Variants in R3HDM2 observed in about 807,000 individuals in gnomAD.
R3HDM2 encodes R3H domain containing 2.
R3HDM2 carries 38 observed loss-of-function variants against 124.5 expected under a neutral mutation model. That is an observed-to-expected ratio of 0.31 (90% CI 0.24 to 0.40). R3HDM2 has a LOEUF of 0.40. Ranked by LOEUF, R3HDM2 falls within the 10% of genes least tolerant of loss-of-function variation. The pLI is 1.00. For synonymous variants in R3HDM2, 391 were observed against 448.0 expected, an observed-to-expected ratio of 0.87 and a Z score of 1.61; for missense variants, 869 against 1,236.9, an observed-to-expected ratio of 0.70 and a Z score of 4.46.
At chr12:57,324,577 C>A (rs1056480741) in intron 2 of R3HDM2, among the ~76,000 whole-genome samples, 6 of 152,186 alleles carry the variant, frequency 3.9e-5, no homozygotes, top group African/African-American at 1.4e-4. Context: ...CTGTAATAAT[C>A]ATTAGTCCTC....
intron 2 of R3HDM2, among the ~76,000 whole-genome samples, chr12:57,348,027 G>A (rs988225800): frequency 6.6e-6 from 1 of 152,128 alleles, no homozygotes; most frequent in African/African-American, 2.4e-5. Flanking sequence ...TTCATCCTAA[G>A]GAAGAAAAAT....
At chr12:57,321,096 T>C (rs952390004) in intron 2 of R3HDM2, among the ~76,000 whole-genome samples, 1 of 152,200 alleles carries the variant, frequency 6.6e-6, no homozygotes, top group Non-Finnish European at 1.5e-5. Flanking sequence ...GACTGAACTA[T>C]AGGCTGAGCA....
At chr12:57,391,333 G>C (rs887251701) in intron 2 of R3HDM2, among the ~76,000 whole-genome samples, 7 of 152,014 alleles carry the variant, frequency 4.6e-5, no homozygotes, top group Non-Finnish European at 1.0e-4. Context: ...CAGGGGTTGG[G>C]GTAAGCCAAT....
At chr12:57,411,631 A>G (rs1431412397) in intron 1 of R3HDM2, among the ~76,000 whole-genome samples, 1 of 152,232 alleles carries the variant, frequency 6.6e-6, no homozygotes, top group African/African-American at 2.4e-5. Flanking sequence ...TTTCATGTAG[A>G]GTCCCAGAGC....
chr12:57,396,613 C>T (rs2067544483), intron 1 of R3HDM2, among the ~76,000 whole-genome samples: 1 of 151,762 alleles, frequency 6.6e-6, no homozygotes, highest in Non-Finnish European at 1.5e-5. Context: ...CCCGTCTCTA[C>T]TGAAAAAACA....
chr12:57,266,858 G>C (rs764666815), intron 18 of R3HDM2, 27 bp from the exon 19 acceptor site: 3 of 1,489,734 alleles, frequency 2.0e-6, no homozygotes, highest in Non-Finnish European at 1.9e-6. Context: ...GAGAGGAGTG[G>C]TGAAGCAGTA....
At chr12:57,379,027 C>T (rs549802130) in intron 2 of R3HDM2, among the ~76,000 whole-genome samples, 14 of 151,894 alleles carry the variant, frequency 9.2e-5, no homozygotes, top group Non-Finnish European at 1.8e-4. Flanking sequence ...TCATAGAAGA[C>T]GGAAAGTAGA....
At chr12:57,266,592 T>C (rs1301760410) in intron 19 of R3HDM2, 139 bp downstream of exon 19, 1 of 678,150 alleles carries the variant, frequency 1.5e-6, no homozygotes, top group East Asian at 3.0e-5. Context: ...CTAAGACTGT[T>C]TTTTCTTTGT....
intron 12 of R3HDM2, among the ~76,000 whole-genome samples, chr12:57,288,484 T>C (rs1397383023): frequency 1.3e-5 from 2 of 152,076 alleles, no homozygotes; most frequent in Non-Finnish European, 2.9e-5. Flanking sequence ...CTACACATCT[T>C]TTCCATAGAT....
chr12:57,346,508 AT>A (rs969143836), intron 2 of R3HDM2, among the ~76,000 whole-genome samples: 3 of 151,954 alleles, frequency 2.0e-5, no homozygotes, highest in African/African-American at 4.8e-5. Flanking sequence ...GTGGGACAAC[AT>A]TTTTTTTAAA....
intron 1 of R3HDM2, among the ~76,000 whole-genome samples, chr12:57,425,554 C>T (rs571617632): frequency 2.6e-5 from 4 of 152,252 alleles, no homozygotes; most frequent in African/African-American, 7.2e-5. Flanking sequence ...AATCCCAGCA[C>T]TTTGGGAGGC....
chr12:57,348,917 T>C (rs1197211985), intron 2 of R3HDM2, among the ~76,000 whole-genome samples: 3 of 152,026 alleles, frequency 2.0e-5, no homozygotes, highest in African/African-American at 4.8e-5. Context: ...GGAAATCAAG[T>C]AGTATTGGCT....
chr12:57,365,316 C>G (rs2062510701), intron 2 of R3HDM2, among the ~76,000 whole-genome samples: 1 of 151,678 alleles, frequency 6.6e-6, no homozygotes, highest in Non-Finnish European at 1.5e-5. Flanking sequence ...TTAGGGCCCT[C>G]CTCCTATTTT....
At chr12:57,368,023 C>G (rs1005315532) in intron 2 of R3HDM2, among the ~76,000 whole-genome samples, 6 of 151,820 alleles carry the variant, frequency 4.0e-5, no homozygotes, top group Non-Finnish European at 5.9e-5. Context: ...TGCTGGTTCA[C>G]AGAACCGTGT....
chr12:57,343,757 A>G (rs2059821874), intron 2 of R3HDM2, among the ~76,000 whole-genome samples: 1 of 138,038 alleles, frequency 7.2e-6, no homozygotes, highest in Non-Finnish European at 1.5e-5. Context: ...AGGGTCTTAC[A>G]AAAGGTTAAA....
At chr12:57,357,398 G>A (rs1051289639) in intron 2 of R3HDM2, among the ~76,000 whole-genome samples, 2 of 150,364 alleles carry the variant, frequency 1.3e-5, no homozygotes, top group African/African-American at 4.9e-5. Flanking sequence ...GGAGGCAGTG[G>A]TTGAAGTGAG....
chr12:57,405,359 C>T (rs2068433429), intron 1 of R3HDM2, among the ~76,000 whole-genome samples: 1 of 152,158 alleles, frequency 6.6e-6, no homozygotes, highest in Non-Finnish European at 1.5e-5. Flanking sequence ...AACCTACTGG[C>T]TGGGTGCAGT....
intron 2 of R3HDM2, among the ~76,000 whole-genome samples, chr12:57,333,747 GAAGA>G (rs887198270): frequency 4.4e-4 from 66 of 151,552 alleles, no homozygotes; most frequent in African/African-American, 1.5e-3. Flanking sequence ...AGGAAGGAAG[GAAGA>G]AAGGAAGGGC....
chr12:57,264,620 AT>A (rs549188071), intron 19 of R3HDM2, among the ~76,000 whole-genome samples: 2,262 of 137,348 alleles, frequency 0.016, 26 homozygotes, highest in African/African-American at 0.038. Flanking sequence ...TTCCTTCCAG[AT>A]TTTTTTTTTT....
Sources: gnomAD v4.1 joint callset for allele counts (sites outside exome capture counted in the v4.1 genomes callset) on GRCh38, gnomAD v4.1.1 for gene constraint, MANE v1.5 for transcripts, NCBI Gene and HGNC (gene_info 2026-07-23, HGNC 2026-07-21) for gene names.